The following WWOX variants were observed in gnomAD, a reference collection of about 807,000 sequenced individuals.
The protein encoded by WWOX is WW domain containing oxidoreductase, also known as WW domain-containing oxidoreductase.
Under a neutral mutation model 46.2 loss-of-function variants are expected in WWOX, and 69 were observed. The observed-to-expected ratio is 1.49, with a 90% CI of 1.23 to 1.82. The LOEUF is 1.82. Among genes scored for constraint, WWOX ranks in the 40% most tolerant of loss-of-function variants. The probability of loss-of-function intolerance (pLI) is 0.00; values close to 1 mark genes in which losing one functional copy is unlikely to be tolerated. For missense variants in WWOX, 919 were observed against 542.6 expected (o/e 1.69, Z -6.89); for synonymous variants, 359 against 202.6 (o/e 1.77, Z -6.56).
chr16:78,793,649 C>G (rs1238794577), intron 8 of WWOX, among the ~76,000 whole-genome samples: 2 of 152,032 alleles, frequency 1.3e-5, no homozygotes, highest in Non-Finnish European at 2.9e-5. Flanking sequence ...GCAAAAAAAA[C>G]TTTTTTTCAG....
At chr16:78,464,692 C>A (rs1342113750) in intron 8 of WWOX, among the ~76,000 whole-genome samples, 2 of 152,130 alleles carry the variant, frequency 1.3e-5, no homozygotes, top group African/African-American at 4.8e-5. Flanking sequence ...TTGCCCCCAC[C>A]CGTGCAGCAA....
chr16:78,911,860 C>T (rs1323627376), intron 8 of WWOX, among the ~76,000 whole-genome samples: 2 of 151,968 alleles, frequency 1.3e-5, no homozygotes, highest in African/African-American at 4.8e-5. Flanking sequence ...AGCAGGACTC[C>T]ATCTCAAAAA....
chr16:78,538,277 C>A (rs941102842), intron 8 of WWOX, among the ~76,000 whole-genome samples: 31 of 141,530 alleles, frequency 2.2e-4, no homozygotes, highest in African/African-American at 8.3e-4. Flanking sequence ...ATGTTCATAT[C>A]ACATTATTTT....
chr16:78,526,350 C>T (rs2043467804), intron 8 of WWOX: 1 of 152,222 alleles, frequency 6.6e-6, no homozygotes, highest in Admixed American at 6.5e-5. Flanking sequence ...GTGCTGAGCC[C>T]CCCTTCCACT....
chr16:78,619,407 C>T (rs142705791), intron 8 of WWOX, among the ~76,000 whole-genome samples: 1 of 144,524 alleles, frequency 6.9e-6, no homozygotes, highest in African/African-American at 2.6e-5. Flanking sequence ...AGGGCACACA[C>T]TCCAGGTGTA....
At chr16:78,637,464 T>C (rs2046600918) in intron 8 of WWOX, among the ~76,000 whole-genome samples, 6 of 151,826 alleles carry the variant, frequency 4.0e-5, no homozygotes, top group Admixed American at 2.0e-4. Flanking sequence ...AAATTGTTTC[T>C]GGCCCCACGT....
intron 8 of WWOX, among the ~76,000 whole-genome samples, chr16:78,692,175 G>A (rs2048004752): frequency 6.6e-6 from 1 of 152,192 alleles, no homozygotes; most frequent in African/African-American, 2.4e-5. Flanking sequence ...CCATGTGTTA[G>A]GAAGGGAGTG....
intron 8 of WWOX, among the ~76,000 whole-genome samples, chr16:79,074,409 CTTTTTTTTTTTTT>C (rs60074156): frequency 7.4e-4 from 23 of 30,986 alleles, no homozygotes; most frequent in South Asian, 7.2e-3. Flanking sequence ...GTCACTAGTC[CTTTTTTTTTTTTT>C]TTTTTTTTTT....
At chr16:78,166,436 C>A (rs910645457) in intron 5 of WWOX, among the ~76,000 whole-genome samples, 1 of 152,156 alleles carries the variant, frequency 6.6e-6, no homozygotes, top group African/African-American at 2.4e-5. Context: ...TCTTTATTTA[C>A]GTATTTGTGA....
intron 5 of WWOX, among the ~76,000 whole-genome samples, chr16:78,194,964 C>G (rs970371597): frequency 6.6e-6 from 1 of 152,208 alleles, no homozygotes; most frequent in Non-Finnish European, 1.5e-5. Flanking sequence ...GATAGCAGGT[C>G]CTTTTTAAAC....
In WWOX at chr16:78,667,643, C is replaced by T. The variant is rs1014886949; in HGVS notation, c.1056+234891C>T. Among the ~76,000 whole-genome samples, 3 of 142,448 alleles carry T rather than the reference C, an allele frequency of 2.1e-5. No homozygotes were observed. In the Admixed American group the frequency reaches 2.2e-4, roughly 10 times the overall value. The allele number at this position is 142,448 out of a possible 152,430, so 93.5% of individuals were successfully genotyped here. Reference sequence around the variant, plus strand: ...CCAAGATCGTGCCACTGCATCCCAGCCTGGGCGACAGAGTGAGACTCCGTC... The same window carrying T: ...CCAAGATCGTGCCACTGCATCCCAGTCTGGGCGACAGAGTGAGACTCCGTC... On this transcript the variant is annotated intron_variant, in intron 8 of 8. Coordinates refer to ENST00000566780, the MANE Select transcript of WWOX (RefSeq NM_016373.4).
At chr16:78,387,201 A>G (rs1341473625) in intron 6 of WWOX, among the ~76,000 whole-genome samples, 2 of 152,216 alleles carry the variant, frequency 1.3e-5, no homozygotes, top group African/African-American at 4.8e-5. Flanking sequence ...GCACTAGTAA[A>G]AGTGGCTAAT....
intron 4 of WWOX, among the ~76,000 whole-genome samples, chr16:78,125,960 A>G (rs1292132988): frequency 3.3e-5 from 5 of 152,178 alleles, no homozygotes; most frequent in Non-Finnish European, 7.3e-5. Context: ...TAAGAATAAA[A>G]GATTTAAAAA....
At chr16:78,667,949 C>G (rs2047371553) in intron 8 of WWOX, among the ~76,000 whole-genome samples, 1 of 152,132 alleles carries the variant, frequency 6.6e-6, no homozygotes, top group African/African-American at 2.4e-5. Flanking sequence ...GTGCTGCTCT[C>G]AGCCAAAGCT....
intron 8 of WWOX, among the ~76,000 whole-genome samples, chr16:78,884,402 C>T (rs150894057): frequency 1.3e-5 from 2 of 151,418 alleles, no homozygotes; most frequent in Non-Finnish European, 2.9e-5. Context: ...CACACTGAAT[C>T]ATTATTCATG....
chr16:78,969,695 A>C (rs1192967699), intron 8 of WWOX, among the ~76,000 whole-genome samples: 1 of 152,246 alleles, frequency 6.6e-6, no homozygotes, highest in Non-Finnish European at 1.5e-5. Flanking sequence ...GAAAAGAAAG[A>C]AAGGAAAATT....
At chr16:78,455,496 C>T (rs1230834451) in intron 8 of WWOX, among the ~76,000 whole-genome samples, 1 of 151,178 alleles carries the variant, frequency 6.6e-6, no homozygotes, top group South Asian at 2.1e-4. Flanking sequence ...CAAAAATTAG[C>T]TGGGTGTGTG....
intron 8 of WWOX, among the ~76,000 whole-genome samples, chr16:78,867,750 C>G (rs958089314): frequency 6.6e-6 from 1 of 152,014 alleles, no homozygotes; most frequent in Non-Finnish European, 1.5e-5. Context: ...GAGCTGTGAG[C>G]TGTAAATTGT....
chr16:78,349,555 C>T (rs558540029), intron 5 of WWOX, among the ~76,000 whole-genome samples: 1 of 120,818 alleles, frequency 8.3e-6, no homozygotes, highest in South Asian at 2.5e-4. Context: ...TTACATGGCC[C>T]TGACTGTCTT....
Sources: gnomAD v4.1 joint callset for allele counts (sites outside exome capture counted in the v4.1 genomes callset) on GRCh38, gnomAD v4.1.1 for gene constraint, MANE v1.5 for transcripts, NCBI Gene and HGNC (gene_info 2026-07-23, HGNC 2026-07-21) for gene names.